SRGAP2: variants seen among roughly 807,000 people sequenced by gnomAD.
SRGAP2 encodes SLIT-ROBO Rho GTPase activating protein 2.
SRGAP2 carries 15 observed loss-of-function variants against 57.2 expected under a neutral mutation model. The ratio of observed to expected loss-of-function variants is 0.26; its 90% CI spans 0.18 to 0.40. SRGAP2 has a LOEUF of 0.40. Ranked by LOEUF, SRGAP2 falls within the 10% of genes least tolerant of loss-of-function variation. The pLI, the probability that SRGAP2 is intolerant of heterozygous loss-of-function variation, is 1.00. For missense variants in SRGAP2, 520 were observed against 669.6 expected (o/e 0.78, Z 2.47); for synonymous variants, 249 against 248.0 (o/e 1.00, Z -0.04).
At chr1:206,240,522 C>T (rs1453844397) in intron 2 of SRGAP2, among the ~76,000 whole-genome samples, 8 of 152,110 alleles carry the variant, frequency 5.3e-5, no homozygotes, top group Non-Finnish European at 8.8e-5. Context: ...AATTTGTTCA[C>T]GCCTAGGCCA....
intron 1 of SRGAP2, chr1:206,204,941 A>C (rs2102417395): frequency 7.0e-6 from 1 of 143,028 alleles, no homozygotes; most frequent in African/African-American, 2.7e-5. Context: ...CTGCCAAGAG[A>C]AGCTAGTAAC....
At chr1:206,460,164 T>C (rs184030835) in intron 22 of SRGAP2, among the ~76,000 whole-genome samples, 3 of 152,342 alleles carry the variant, frequency 2.0e-5, no homozygotes, top group African/African-American at 7.2e-5. Flanking sequence ...GTGTAAAATC[T>C]TTCCATGTGA....
intron 2 of SRGAP2, among the ~76,000 whole-genome samples, chr1:206,285,741 C>G (rs1370442849): frequency 6.6e-6 from 1 of 151,370 alleles, no homozygotes; most frequent in East Asian, 1.9e-4. Flanking sequence ...GATCTCGGCT[C>G]AGTGCAATCT....
intron 13 of SRGAP2, among the ~76,000 whole-genome samples, chr1:206,423,296 C>T (rs1156342953): frequency 6.6e-6 from 1 of 152,212 alleles, no homozygotes; most frequent in East Asian, 1.9e-4. Flanking sequence ...GGGCTCTGTC[C>T]TCTCACGATG....
At chr1:206,249,289 A>G (rs1184162832) in intron 2 of SRGAP2, among the ~76,000 whole-genome samples, 4 of 151,946 alleles carry the variant, frequency 2.6e-5, no homozygotes, top group African/African-American at 7.2e-5. Flanking sequence ...AGACACATGC[A>G]TACATATGTT....
At chr1:206,303,890 A>ACACACT (rs1443847442) in intron 3 of SRGAP2, among the ~76,000 whole-genome samples, 1 of 90,236 alleles carries the variant, frequency 1.1e-5, no homozygotes. Context: ...TCTCTCTCTC[A>ACACACT]CACACACACA....
At chr1:206,447,663 T>C (rs1662880782) in intron 18 of SRGAP2, among the ~76,000 whole-genome samples, 1 of 152,206 alleles carries the variant, frequency 6.6e-6, no homozygotes, top group South Asian at 2.1e-4. Flanking sequence ...CTTAGAGCTT[T>C]GGTTTTCCCC....
At chr1:206,239,222 A>G (rs560354160) in intron 2 of SRGAP2, among the ~76,000 whole-genome samples, 4 of 147,558 alleles carry the variant, frequency 2.7e-5, no homozygotes, top group South Asian at 2.3e-4. Context: ...AGAAAAACCA[A>G]TCAAACAAAC....
At chr1:206,435,423 G>A (rs559257658) in intron 14 of SRGAP2, among the ~76,000 whole-genome samples, 189 of 152,320 alleles carry the variant, frequency 1.2e-3, no homozygotes, top group African/African-American at 4.3e-3. Context: ...TGAGACCCAG[G>A]GATCCTGAGA....
chr1:206,415,077 T>C (rs2103214054), intron 10 of SRGAP2, among the ~76,000 whole-genome samples: 1 of 152,366 alleles, frequency 6.6e-6, no homozygotes, highest in Non-Finnish European at 1.5e-5. Flanking sequence ...GAAACCTCAG[T>C]GCTCTCATGT....
chr1:206,402,904 CA>C (rs1658321082), intron 8 of SRGAP2, among the ~76,000 whole-genome samples: 1 of 133,326 alleles, frequency 7.5e-6, no homozygotes, highest in Non-Finnish European at 1.6e-5. Context: ...CGCCGGGGAC[CA>C]AAAAACAGCA....
intron 4 of SRGAP2, among the ~76,000 whole-genome samples, chr1:206,346,301 A>G (rs1675626056): frequency 1.3e-5 from 2 of 152,176 alleles, no homozygotes; most frequent in African/African-American, 4.8e-5. Context: ...AGTGTGGTCT[A>G]TGTGATCTCC....
chr1:206,358,384 C>G (rs1676624090), intron 4 of SRGAP2, among the ~76,000 whole-genome samples: 1 of 149,306 alleles, frequency 6.7e-6, no homozygotes, highest in Admixed American at 6.6e-5. Flanking sequence ...TTTGCAATCT[C>G]TAAGCTAATC....
At chr1:206,254,096 C>T (rs1669029711) in intron 2 of SRGAP2, among the ~76,000 whole-genome samples, 1 of 117,734 alleles carries the variant, frequency 8.5e-6, no homozygotes, top group Non-Finnish European at 1.7e-5. Flanking sequence ...CTAATATTAC[C>T]CCTCATATCC....
intron 2 of SRGAP2, among the ~76,000 whole-genome samples, chr1:206,238,640 G>A (rs1668025074): frequency 7.6e-6 from 1 of 131,080 alleles, no homozygotes; most frequent in Non-Finnish European, 1.6e-5. Flanking sequence ...ACTGCCTAGA[G>A]GGAGAAACTG....
chr1:206,402,519 A>G (rs1658287279), intron 8 of SRGAP2, among the ~76,000 whole-genome samples: 1 of 152,258 alleles, frequency 6.6e-6, no homozygotes, highest in Non-Finnish European at 1.5e-5. Context: ...AGGAGGTTGT[A>G]TAGGGCTTAT....
chr1:206,449,456 T>TTTTTTC (rs1437480726), intron 18 of SRGAP2, among the ~76,000 whole-genome samples: 1 of 151,174 alleles, frequency 6.6e-6, no homozygotes, highest in African/African-American at 2.4e-5. Context: ...GCTTTTTTTT[T>TTTTTTC]TTTTTTCTTT....
At chr1:206,230,629 AT>A (rs782803531) in intron 2 of SRGAP2, among the ~76,000 whole-genome samples, 305 of 143,816 alleles carry the variant, frequency 2.1e-3, no homozygotes, top group Middle Eastern at 3.5e-3. Flanking sequence ...ATGGAGCTGT[AT>A]TTTTTTTTTT....
In SRGAP2 at chr1:206,454,570, C is replaced by CAG; in HGVS notation, c.2361-308_2361-307insAG. 2.4e-6 allele frequency: 1 copy of CAG among 414,540 alleles called. No individual in the cohort carries two copies. The highest frequency in any genetic ancestry group is 4.3e-6 in the Non-Finnish European group (1 of 233,748). 25.7% of individuals were successfully genotyped at this position (414,540 alleles called of 1,614,324 possible). On this transcript the variant is annotated intron_variant, in intron 20 of 22. Coordinates refer to ENST00000573034, the MANE Select transcript of SRGAP2 (RefSeq NM_015326.5). This position sits in a 1 kb window ranked among gnomAD's most constrained non-coding sequence, Gnocchi z 4.3. ...TCTCCAGGAGGCCGCCCCAGCACGG[C>CAG]CTCCCCAGGAAGCAGCATGGGGTAG...
Sources: allele counts gnomAD v4.1 joint callset (sites outside exome capture counted in the v4.1 genomes callset), GRCh38; gene constraint gnomAD v4.1.1; non-coding constraint Gnocchi (gnomAD v3.1); transcripts MANE v1.5; gene names NCBI Gene and HGNC (gene_info 2026-07-23, HGNC 2026-07-21).